PGPEP1L: variants seen among roughly 807,000 people sequenced by gnomAD.
The protein encoded by PGPEP1L is pyroglutamyl-peptidase 1-like protein.
PGPEP1L carries 7 observed loss-of-function variants against 6.0 expected under a neutral mutation model. That is an observed-to-expected ratio of 1.17 (90% CI 0.66 to 2.19). The LOEUF (loss-of-function observed/expected upper bound fraction) is 2.19, where lower values mean the gene tolerates loss of function less well. Among genes scored for constraint, PGPEP1L ranks in the 30% most tolerant of loss-of-function variants. The pLI is 0.00. For synonymous variants in PGPEP1L, 103 were observed against 83.9 expected, an observed-to-expected ratio of 1.23 and a Z score of -1.24; for missense variants, 209 against 192.5, an observed-to-expected ratio of 1.09 and a Z score of -0.51.
chr15:98,999,520 T>C (rs561809667), intron 2 of PGPEP1L, among the ~76,000 whole-genome samples: 3 of 152,152 alleles, frequency 2.0e-5, no homozygotes, highest in Non-Finnish European at 4.4e-5. Context: ...GGAAATAGTT[T>C]GACAATTTTT....
At chr15:98,975,868 G>A (rs1036162253) in intron 2 of PGPEP1L, among the ~76,000 whole-genome samples, 13 of 152,012 alleles carry the variant, frequency 8.6e-5, no homozygotes, top group Admixed American at 2.0e-4. Context: ...GCGACAGAGC[G>A]AGACTCTGTC....
chr15:98,994,766 A>T (rs181478144), intron 2 of PGPEP1L, among the ~76,000 whole-genome samples: 50 of 152,194 alleles, frequency 3.3e-4, no homozygotes, highest in Non-Finnish European at 6.5e-4. Context: ...TTTTGATAGT[A>T]AACTCTTGGT....
intron 2 of PGPEP1L, among the ~76,000 whole-genome samples, chr15:98,997,408 C>T (rs1272444714): frequency 1.3e-5 from 2 of 152,168 alleles, no homozygotes; most frequent in Non-Finnish European, 2.9e-5. Context: ...GAATAAAGAC[C>T]TCACCTTGAT....
At chr15:98,971,338 C>T (rs1026400382) in intron 2 of PGPEP1L, among the ~76,000 whole-genome samples, 180 bp from the exon 3 acceptor site, 1 of 151,986 alleles carries the variant, frequency 6.6e-6, no homozygotes, top group African/African-American at 2.4e-5. Context: ...CAGTTCCTAC[C>T]AGAGAGGCAA....
chr15:98,998,091 T>G (rs1555472656), intron 2 of PGPEP1L: 1 of 152,656 alleles, frequency 6.6e-6, no homozygotes, highest in Non-Finnish European at 1.5e-5. Context: ...CTCCTGGGTC[T>G]TGAGCTACAG....
chr15:98,991,323 TAA>T (rs1555472031), intron 2 of PGPEP1L, among the ~76,000 whole-genome samples: 2 of 152,094 alleles, frequency 1.3e-5, no homozygotes, highest in African/African-American at 4.8e-5. Context: ...GAGAATACTA[TAA>T]ACACCTCTAC....
chr15:98,978,726 A>ATATT (rs1446348988), intron 2 of PGPEP1L, among the ~76,000 whole-genome samples: 11 of 85,234 alleles, frequency 1.3e-4, no homozygotes, highest in African/African-American at 3.6e-4. Context: ...ATATATATAT[A>ATATT]TTTTTTTTTT....
At chr15:98,985,438 T>C (rs2017734068) in intron 2 of PGPEP1L, among the ~76,000 whole-genome samples, 1 of 152,196 alleles carries the variant, frequency 6.6e-6, no homozygotes. Flanking sequence ...CTCAGGAGGC[T>C]GAGGCAAGAG....
intron 2 of PGPEP1L, among the ~76,000 whole-genome samples, chr15:98,985,587 G>T (rs1211921500): frequency 1.3e-5 from 2 of 152,166 alleles, no homozygotes; most frequent in East Asian, 3.9e-4. Context: ...TGTGCTAGAA[G>T]TGATCCTCTT....
At chr15:98,982,387 G>C (rs2017677462) in intron 2 of PGPEP1L, among the ~76,000 whole-genome samples, 1 of 152,160 alleles carries the variant, frequency 6.6e-6, no homozygotes, top group African/African-American at 2.4e-5. Flanking sequence ...AAGTGAGAAT[G>C]CAAGGACAGT....
In PGPEP1L at chr15:99,006,380, T is replaced by C. The variant is rs868995170; in HGVS notation, c.-369-724A>G. On this transcript the variant is annotated intron_variant, in intron 1 of 4. Transcript: ENST00000535714. ...GACTCCTTAAACATGCCACTGACAG[T>C]GAGCCACAGCCGTGGCATGCCACCT... Among the ~76,000 whole-genome samples, 9 of 152,344 alleles carry C rather than the reference T, an allele frequency of 5.9e-5. No individual in the cohort carries two copies. The South Asian group carries it at 1.4e-3, about 25-fold the overall frequency.
intron 2 of PGPEP1L, among the ~76,000 whole-genome samples, chr15:98,993,261 AAAC>A (rs1399427539): frequency 2.0e-5 from 3 of 152,286 alleles, no homozygotes; most frequent in African/African-American, 4.8e-5. Flanking sequence ...TACAAGAAAA[AAAC>A]AACCCCATCA....
chr15:98,987,155 G>C (rs2017757409), intron 2 of PGPEP1L, among the ~76,000 whole-genome samples: 1 of 87,342 alleles, frequency 1.1e-5, no homozygotes, highest in African/African-American at 6.0e-5. Flanking sequence ...GACAGAGTGA[G>C]ACTCCATCTC....
At position 98,968,472 on chromosome 15, in the gene PGPEP1L, C is replaced by A. The variant is rs758229792; in HGVS notation, c.*6G>T. The A allele has an allele frequency of 2.5e-6, 4 of 1,611,190 alleles. No individual in the cohort carries two copies. Among genetic ancestry groups the A allele is most frequent in the Admixed American group, 3.3e-5 (2 of 59,716 alleles). On this transcript the variant is annotated 3_prime_UTR_variant, in exon 5 of 5. Transcript: ENST00000535714. ...TTCAATTTTCTCTAGAGGAGCAATC[C>A]CCCGGTCAGTTCCCTTTGGCTGGAA...
At chr15:98,979,049 A>ATTTT (rs57634396) in intron 2 of PGPEP1L, among the ~76,000 whole-genome samples, 4 of 115,850 alleles carry the variant, frequency 3.5e-5, no homozygotes, top group African/African-American at 1.4e-4. Context: ...ATATATATAT[A>ATTTT]TTTTTATTAC....
chr15:98,977,165 TATTA>T (rs887989362), intron 2 of PGPEP1L, among the ~76,000 whole-genome samples: 4 of 152,210 alleles, frequency 2.6e-5, no homozygotes, highest in African/African-American at 9.6e-5. Flanking sequence ...TTATCAATTT[TATTA>T]ATTTTCTCAA....
intron 2 of PGPEP1L, among the ~76,000 whole-genome samples, chr15:98,994,853 A>T (rs1247718763): frequency 6.6e-6 from 1 of 152,190 alleles, no homozygotes; most frequent in Non-Finnish European, 1.5e-5. Context: ...AATTATAGTG[A>T]TAATTTTTTG....
rs1426820474 is a variant in PGPEP1L, at chr15:99,007,435, G to A, written c.-446C>T. 1 of 152,408 alleles carries A rather than the reference G, an allele frequency of 6.6e-6. No individual in the cohort carries two copies. Among genetic ancestry groups the A allele is most frequent in the East Asian group, 1.9e-4 (1 of 5,196 alleles). The allele number at this position is 152,408 out of a possible 1,614,324, so 9.4% of individuals were successfully genotyped here. A position where few individuals can be genotyped will look rare whatever the true frequency, so the allele number is the denominator to read the frequency against. ...TTCAAGAACGAAGCCGCGGACCCTG[G>A]CGGTGAGTGTTACAGTTTTTAAAGG... On this transcript the variant is annotated 5_prime_UTR_variant, in exon 1 of 5. Transcript: ENST00000535714.
In PGPEP1L at chr15:98,993,485, T is replaced by G. The variant is rs546547619; in HGVS notation, c.-142+11944A>C. On this transcript the variant is annotated intron_variant, in intron 2 of 4. Coordinates refer to ENST00000535714, the MANE Select transcript of PGPEP1L (RefSeq NM_001167902.2). Reference sequence around the variant, plus strand: ...AGGATTTGGAGAAATAGGAATACTTTTACACTGTTGGTGGGAGTGTAAACT... The same window carrying G: ...AGGATTTGGAGAAATAGGAATACTTGTACACTGTTGGTGGGAGTGTAAACT... Among the ~76,000 whole-genome samples the G allele has an allele frequency of 1.5e-3, 228 of 152,282 alleles. 1 individual carries two copies. The highest frequency in any genetic ancestry group is 2.6e-3 in the Non-Finnish European group (176 of 68,020).
Sources: gnomAD v4.1 joint callset for allele counts (sites outside exome capture counted in the v4.1 genomes callset) on GRCh38, gnomAD v4.1.1 for gene constraint, MANE v1.5 for transcripts, NCBI Gene and HGNC (gene_info 2026-07-23, HGNC 2026-07-21) for gene names.